Variants in TAF4B observed in about 807,000 individuals in gnomAD.
The protein encoded by TAF4B is transcription initiation factor TFIID subunit 4B.
TAF4B carries 38 observed loss-of-function variants against 86.4 expected under a neutral mutation model. The ratio of observed to expected loss-of-function variants is 0.44; its 90% CI spans 0.34 to 0.58. The LOEUF (loss-of-function observed/expected upper bound fraction) is 0.58. TAF4B is among the 20% of genes least tolerant of loss of function. TAF4B has a pLI of 0.02. For missense variants in TAF4B, 988 were observed against 1,027.6 expected (o/e 0.96, Z 0.53); for synonymous variants, 388 against 391.2 (o/e 0.99, Z 0.10).
chr18:26,304,168 GTTT>G (rs5823508), intron 9 of TAF4B, among the ~76,000 whole-genome samples: 10 of 125,376 alleles, frequency 8.0e-5, no homozygotes, highest in Non-Finnish European at 1.5e-4. Context: ...TAGGTCGACT[GTTT>G]TTTTTTTTTT....
chr18:26,278,408 G>A (rs1216529985), intron 5 of TAF4B, among the ~76,000 whole-genome samples: 1 of 151,986 alleles, frequency 6.6e-6, no homozygotes, highest in Non-Finnish European at 1.5e-5. Context: ...GGGCTCAAGG[G>A]CTCCTTCCAC....
chr18:26,387,014 A>G (rs1978412735), intron 14 of TAF4B, among the ~76,000 whole-genome samples: 1 of 152,238 alleles, frequency 6.6e-6, no homozygotes, highest in African/African-American at 2.4e-5. Flanking sequence ...CAGTTTTAGC[A>G]TAATGTATCT....
At chr18:26,365,565 A>G (rs1181904505) in intron 14 of TAF4B, among the ~76,000 whole-genome samples, 4 of 152,180 alleles carry the variant, frequency 2.6e-5, no homozygotes, top group Non-Finnish European at 5.9e-5. Context: ...ATACCAGGTA[A>G]GAGGAAAAAG....
Position 26,286,170 on chromosome 18 carries a change from A to G in TAF4B, c.1261A>G (p.Thr421Ala). Reference sequence around the variant, plus strand: ...TCATTCTGTGGGCCCAACTGCTGCAACAGGAGGAACAACAGCTGGAACTGG... The same window carrying G: ...TCATTCTGTGGGCCCAACTGCTGCAGCAGGAGGAACAACAGCTGGAACTGG... ...TLHSVGPTAATGGTTAGTGLL... is the reference protein window; with the variant it reads ...TLHSVGPTAAAGGTTAGTGLL... The change falls in exon 7 of 15, where the codon ACA becomes GCA. Residue 421 changes from threonine to alanine, a missense_variant. Coordinates refer to ENST00000269142, the MANE Select transcript of TAF4B (RefSeq NM_005640.3). 6.2e-7 allele frequency: 1 copy of G among 1,614,254 alleles called. No homozygotes were observed. Among genetic ancestry groups the G allele is most frequent in the East Asian group, 2.2e-5 (1 of 44,896 alleles).
intron 13 of TAF4B, among the ~76,000 whole-genome samples, chr18:26,346,787 A>ATATATATGTGTGTG (rs1459445751): frequency 2.5e-4 from 6 of 24,140 alleles, no homozygotes; most frequent in Non-Finnish European, 5.6e-4. Context: ...GTGTGTATAT[A>ATATATATGTGTGTG]TATATATATA....
At chr18:26,313,999 A>G (rs1362838224) in intron 9 of TAF4B, among the ~76,000 whole-genome samples, 1 of 151,976 alleles carries the variant, frequency 6.6e-6, no homozygotes, top group Non-Finnish European at 1.5e-5. Flanking sequence ...CATCTCTTAT[A>G]TGTGTTTGAG....
chr18:26,272,685 A>G (rs916879505), intron 3 of TAF4B, among the ~76,000 whole-genome samples: 1 of 152,186 alleles, frequency 6.6e-6, no homozygotes, highest in East Asian at 1.9e-4. Flanking sequence ...AAAATTCCAG[A>G]TTACACTTTC....
intron 10 of TAF4B, among the ~76,000 whole-genome samples, chr18:26,316,704 G>A (rs956751543): frequency 3.3e-5 from 5 of 152,034 alleles, no homozygotes; most frequent in African/African-American, 9.7e-5. Context: ...AATTTAAATC[G>A]AGAATACATT....
intron 9 of TAF4B, 83 bp from the exon 10 acceptor site, chr18:26,315,122 CTCTCTCTCTCTCTCTCTCTCTCTG>C (rs1317621131): frequency 3.3e-6 from 1 of 302,530 alleles, no homozygotes; most frequent in Non-Finnish European, 5.1e-6. Context: ...CTCTCTCTCT[CTCTCTCTCTCTCTCTCTCTCTCTG>C]TCTCTCTCTC....
chr18:26,227,023 G>T lies in TAF4B; in HGVS notation c.90G>T (p.Ala30=). Residue 30 remains alanine (A), a synonymous_variant, in exon 1 of 15, where the codon GCG becomes GCT. Transcript: ENST00000269142. ...CCGTGACCATGGCCCCGGCCGGGGC[G>T]CTGCCGGTGCGGGTGGAGAGCACTC... ...SGTVTMAPAG[A]LPVRVESTPV... 6.8e-7 allele frequency: 1 copy of T among 1,481,362 alleles called. No homozygotes were observed. The highest frequency in any genetic ancestry group is 8.8e-7 in the Non-Finnish European group (1 of 1,130,528). 91.8% of individuals were successfully genotyped at this position (1,481,362 alleles called of 1,614,324 possible).
chr18:26,265,722 C>T (rs997378088), intron 2 of TAF4B, among the ~76,000 whole-genome samples: 6 of 152,188 alleles, frequency 3.9e-5, no homozygotes, highest in Admixed American at 6.5e-5. Context: ...CCACCATGCC[C>T]GACTAATTTT....
Position 26,350,884 on chromosome 18 carries a change from C to T in TAF4B, c.2317-6806C>T, listed in dbSNP as rs541498065. Among the ~76,000 whole-genome samples the T allele has an allele frequency of 5.4e-4, 82 of 152,124 alleles. 2 individuals are homozygous for T. The South Asian group carries it at 0.015, about 28-fold the overall frequency. On this transcript the variant is annotated intron_variant, in intron 13 of 14. Coordinates refer to ENST00000269142, the MANE Select transcript of TAF4B (RefSeq NM_005640.3). ...AAAGACAAAAAATGAGTAATGTTAT[C>T]GAGGATTCAGGGAAAATGGAATTCT...
In TAF4B at chr18:26,227,014, G is replaced by T; in HGVS notation, c.81G>T (p.Pro27=). 9 of 1,465,480 alleles carry T rather than the reference G, an allele frequency of 6.1e-6. No individual in the cohort carries two copies. Among genetic ancestry groups the T allele is most frequent in the Non-Finnish European group, 8.0e-6 (9 of 1,123,032 alleles). 90.8% of individuals were successfully genotyped at this position (1,465,480 alleles called of 1,614,324 possible). ...VSASGTVTMA[P]AGALPVRVES... The stretch of plus-strand genomic sequence containing the variant: ...CCTCGGGGACCGTGACCATGGCCCC[G>T]GCCGGGGCGCTGCCGGTGCGGGTGG... Residue 27 remains proline (P), a synonymous_variant, in exon 1 of 15, where the codon CCG becomes CCT. Coordinates refer to ENST00000269142, the MANE Select transcript of TAF4B (RefSeq NM_005640.3).
intron 9 of TAF4B, among the ~76,000 whole-genome samples, chr18:26,309,817 A>G (rs1031777131): frequency 4.6e-5 from 7 of 151,892 alleles, no homozygotes; most frequent in African/African-American, 1.2e-4. Context: ...TGGTCATCCT[A>G]TTAATATTTA....
chr18:26,226,970 C>T lies in TAF4B; in HGVS notation c.37C>T (p.Pro13Ser), dbSNP rs1004835218. ...AGLTEPAGAA[P>S]PAAVSASGTV... ...CCTCACCGAACCCGCCGGCGCCGCT[C>T]CCCCGGCTGCTGTGAGCGCCTCGGG... is the stretch of plus-strand genomic sequence containing the variant. Residue 13 changes from proline (P) to serine (S), a missense_variant, in exon 1 of 15, where the codon CCC becomes TCC. By Grantham distance (74) the Pro-to-Ser change is moderately conservative. Transcript: ENST00000269142. 1.4e-5 allele frequency: 19 copies of T among 1,386,566 alleles called. No individual in the cohort carries two copies. The highest frequency in any genetic ancestry group is 1.6e-5 in the South Asian group (1 of 61,962). 85.9% of individuals were successfully genotyped at this position (1,386,566 alleles called of 1,614,324 possible).
Position 26,343,571 on chromosome 18 carries a change from A to G in TAF4B, c.2316+8340A>G, listed in dbSNP as rs573946896. Among the ~76,000 whole-genome samples the G allele has an allele frequency of 3.3e-3, 499 of 152,338 alleles. 2 individuals are homozygous for G. The highest frequency in any genetic ancestry group is 5.5e-3 in the Non-Finnish European group (374 of 68,032). ...CTTGAACCTGTGTTGATTGCATGCT[A>G]AAACAAAGGTATTAACATTCTCCAA... On this transcript the variant is annotated intron_variant, in intron 13 of 14. Transcript: ENST00000269142.
intron 1 of TAF4B, among the ~76,000 whole-genome samples, chr18:26,254,014 C>T (rs889946406): frequency 2.7e-4 from 41 of 150,642 alleles, no homozygotes; most frequent in African/African-American, 9.3e-4. Flanking sequence ...CAACCTCTGC[C>T]TCCCGGGTTC....
At chr18:26,328,612 A>C (rs2057026035) in intron 12 of TAF4B, among the ~76,000 whole-genome samples, 1 of 151,638 alleles carries the variant, frequency 6.6e-6, no homozygotes, top group Non-Finnish European at 1.5e-5. Flanking sequence ...CTTCATCTCT[A>C]CCATTTTTGT....
chr18:26,261,350 G>A (rs991440539), intron 1 of TAF4B, among the ~76,000 whole-genome samples: 11 of 151,444 alleles, frequency 7.3e-5, no homozygotes, highest in Admixed American at 2.0e-4. Flanking sequence ...ACAGGCGCCC[G>A]CCACTACGCC....
Sources: gnomAD v4.1 joint callset for allele counts (sites outside exome capture counted in the v4.1 genomes callset) on GRCh38, gnomAD v4.1.1 for gene constraint, MANE v1.5 for transcripts, NCBI Gene and HGNC (gene_info 2026-07-23, HGNC 2026-07-21) for gene names.